The following EPHA6 variants were observed in gnomAD, a reference collection of about 807,000 sequenced individuals.
EPHA6 encodes the protein ephrin type-A receptor 6.
EPHA6 carries 50 observed loss-of-function variants against 112.0 expected under a neutral mutation model. That is an observed-to-expected ratio of 0.45 (90% confidence interval 0.36 to 0.56). EPHA6 has a LOEUF of 0.56. Among genes scored for constraint, EPHA6 ranks in the 20% least tolerant of loss-of-function variants. The pLI is 0.00. For missense variants in EPHA6, 1,280 were observed against 1,417.4 expected (o/e 0.90, Z 1.56); for synonymous variants, 529 against 490.7 (o/e 1.08, Z -1.03).
chr3:97,687,483 C>T (rs1459877026), intron 14 of EPHA6, among the ~76,000 whole-genome samples: 1 of 151,904 alleles, frequency 6.6e-6, no homozygotes, highest in African/African-American at 2.4e-5. Flanking sequence ...GATCGTAACG[C>T]GATGAAATAT....
intron 3 of EPHA6, among the ~76,000 whole-genome samples, chr3:97,023,704 T>G (rs1407825446): frequency 6.6e-6 from 1 of 152,098 alleles, no homozygotes; most frequent in Non-Finnish European, 1.5e-5. Context: ...TAAAACTATT[T>G]CCTATTTATA....
intron 6 of EPHA6, among the ~76,000 whole-genome samples, chr3:97,419,411 G>A (rs993979296): frequency 1.3e-5 from 2 of 152,024 alleles, no homozygotes; most frequent in Admixed American, 1.3e-4. Flanking sequence ...ATCACCTGAG[G>A]CCAGCAGTTC....
intron 14 of EPHA6, among the ~76,000 whole-genome samples, chr3:97,689,702 T>G (rs909181600): frequency 2.0e-5 from 3 of 152,224 alleles, no homozygotes; most frequent in Non-Finnish European, 2.9e-5. Flanking sequence ...TGATTTTTTT[T>G]GTATATTTAT....
chr3:96,935,686 T>A (rs1193759517), intron 2 of EPHA6, among the ~76,000 whole-genome samples: 1 of 148,124 alleles, frequency 6.8e-6, no homozygotes, highest in Admixed American at 6.8e-5. Context: ...ACATTATATA[T>A]ACACACATTA....
chr3:97,045,408 C>T (rs980813035), intron 3 of EPHA6, among the ~76,000 whole-genome samples: 18 of 151,910 alleles, frequency 1.2e-4, no homozygotes, highest in African/African-American at 3.9e-4. Context: ...GCAAAAATCA[C>T]GTAATCAACA....
intron 5 of EPHA6, among the ~76,000 whole-genome samples, chr3:97,368,129 A>C (rs2084845148): frequency 6.6e-6 from 1 of 152,182 alleles, no homozygotes; most frequent in Non-Finnish European, 1.5e-5. Context: ...GCCTTTCCCT[A>C]ATAATATTAT....
intron 14 of EPHA6, among the ~76,000 whole-genome samples, chr3:97,693,974 G>T (rs560801168): frequency 1.2e-3 from 179 of 152,190 alleles, no homozygotes; most frequent in Non-Finnish European, 2.1e-3. Context: ...TTCGCATGAA[G>T]CTCTTCATTA....
intron 2 of EPHA6, among the ~76,000 whole-genome samples, chr3:96,968,131 CTT>C (rs2042193875): frequency 2.0e-5 from 3 of 151,508 alleles, no homozygotes; most frequent in South Asian, 4.2e-4. Flanking sequence ...TTTCTATTAA[CTT>C]ATAAACTATT....
intron 5 of EPHA6, among the ~76,000 whole-genome samples, chr3:97,355,476 T>C (rs1488923154): frequency 1.3e-5 from 2 of 152,056 alleles, no homozygotes; most frequent in Non-Finnish European, 2.9e-5. Flanking sequence ...TAATGGGTCA[T>C]AAGATGTTAT....
At chr3:97,697,053 A>G (rs2033089857) in intron 14 of EPHA6, among the ~76,000 whole-genome samples, 1 of 152,204 alleles carries the variant, frequency 6.6e-6, no homozygotes, top group Non-Finnish European at 1.5e-5. Flanking sequence ...ATAGACTCAA[A>G]ACAAGTTCGT....
chr3:97,383,403 C>A (rs933645458), intron 5 of EPHA6, among the ~76,000 whole-genome samples: 1 of 151,980 alleles, frequency 6.6e-6, no homozygotes, highest in African/African-American at 2.4e-5. Flanking sequence ...AAGTAAAATG[C>A]CAAATTCATA....
chr3:97,404,233 A>G (rs1166345700), intron 5 of EPHA6, among the ~76,000 whole-genome samples: 2 of 152,168 alleles, frequency 1.3e-5, no homozygotes, highest in African/African-American at 2.4e-5. Flanking sequence ...GCTTCCCTTC[A>G]TAAGAGTTGT....
rs531805273 is a variant in EPHA6 at position 97,550,348 on chromosome 3, G to C, written c.2386+17805G>C. On this transcript the variant is annotated intron_variant, in intron 11 of 17. Coordinates refer to ENST00000389672, the MANE Select transcript of EPHA6 (RefSeq NM_001080448.3). The stretch of plus-strand genomic sequence containing the variant: ...TGAATTGCTATGCCAGCAAAATGGA[G>C]AAATGCTGTGTGGAAATAATGTATC... Among the ~76,000 whole-genome samples, 10 of 152,340 alleles carry C rather than the reference G, an allele frequency of 6.6e-5. No individual in the cohort carries two copies. In the East Asian group the frequency reaches 1.9e-3, roughly 29 times the overall value.
chr3:97,732,064 T>C (rs1182891599), intron 15 of EPHA6, among the ~76,000 whole-genome samples: 5 of 151,988 alleles, frequency 3.3e-5, no homozygotes, highest in Non-Finnish European at 7.4e-5. Context: ...CTTTTCTAAA[T>C]GGGAAATCTA....
chr3:97,576,743 G>A (rs1012775963), intron 11 of EPHA6, among the ~76,000 whole-genome samples: 3 of 152,038 alleles, frequency 2.0e-5, no homozygotes, highest in Non-Finnish European at 4.4e-5. Flanking sequence ...TGGAATGTTT[G>A]CACTTATTAA....
intron 2 of EPHA6, among the ~76,000 whole-genome samples, chr3:96,976,296 C>T (rs989166324): frequency 6.6e-6 from 1 of 152,164 alleles, no homozygotes; most frequent in African/African-American, 2.4e-5. Flanking sequence ...AAGTCCAGTG[C>T]ATGCTTCTTG....
intron 10 of EPHA6, among the ~76,000 whole-genome samples, chr3:97,527,317 A>G (rs1169776254): frequency 6.6e-6 from 1 of 152,118 alleles, no homozygotes; most frequent in African/African-American, 2.4e-5. Flanking sequence ...CTCTCAAAAC[A>G]ATAATCCTAG....
chr3:97,085,648 A>G (rs1283083237), intron 3 of EPHA6, among the ~76,000 whole-genome samples: 1 of 152,198 alleles, frequency 6.6e-6, no homozygotes, highest in East Asian at 1.9e-4. Flanking sequence ...AGAATTTACT[A>G]CAAATACTCA....
At chr3:96,818,255 G>C (rs2032963827) in intron 1 of EPHA6, among the ~76,000 whole-genome samples, 1 of 151,928 alleles carries the variant, frequency 6.6e-6, no homozygotes, top group Non-Finnish European at 1.5e-5. Context: ...AGACACCAGG[G>C]ATCCATTCAT....
Sources: gnomAD v4.1 joint callset for allele counts (sites outside exome capture counted in the v4.1 genomes callset) on GRCh38, gnomAD v4.1.1 for gene constraint, MANE v1.5 for transcripts, NCBI Gene and HGNC (gene_info 2026-07-23, HGNC 2026-07-21) for gene names.